Variants in SLC24A3 observed in about 807,000 individuals in gnomAD.
SLC24A3 encodes the protein solute carrier family 24 member 3.
A neutral mutation model predicts 75.8 loss-of-function variants in SLC24A3; 28 were observed. The observed-to-expected ratio is 0.37, with a 90% CI of 0.27 to 0.51. The LOEUF (loss-of-function observed/expected upper bound fraction) is 0.51. Among genes scored for constraint, SLC24A3 ranks in the 20% least tolerant of loss-of-function variants. The pLI is 0.94. For synonymous variants in SLC24A3, 372 were observed against 334.1 expected (o/e 1.11, Z -1.24); for missense variants, 663 against 847.8 (o/e 0.78, Z 2.71).
At chr20:19,666,028 C>T in intron 8 of SLC24A3, 139 bp downstream of exon 8, 1 of 903,388 alleles carries the variant, frequency 1.1e-6, no homozygotes, top group Non-Finnish European at 1.7e-6. Context: ...TAGGAACCCT[C>T]TGCACACCTC....
At chr20:19,541,553 C>T (rs1012917074) in intron 3 of SLC24A3, among the ~76,000 whole-genome samples, 1 of 152,200 alleles carries the variant, frequency 6.6e-6, no homozygotes, top group East Asian at 1.9e-4. Context: ...ACCCCCGCGC[C>T]CTCCGCCCCC....
At chr20:19,600,589 A>C (rs1227269227) in intron 6 of SLC24A3, among the ~76,000 whole-genome samples, 1 of 152,232 alleles carries the variant, frequency 6.6e-6, no homozygotes, top group African/African-American at 2.4e-5. Context: ...AGAGAGAGTA[A>C]TTGTAAATAT....
intron 2 of SLC24A3, among the ~76,000 whole-genome samples, chr20:19,381,411 G>A (rs958493844): frequency 2.0e-5 from 3 of 152,202 alleles, no homozygotes; most frequent in Non-Finnish European, 4.4e-5. Context: ...TGGATAAGAT[G>A]ATCTGGGAGG....
At chr20:19,494,780 A>C (rs1345867208) in intron 2 of SLC24A3, among the ~76,000 whole-genome samples, 1 of 152,164 alleles carries the variant, frequency 6.6e-6, no homozygotes, top group Non-Finnish European at 1.5e-5. Flanking sequence ...CCATCCCGAA[A>C]AGGCTAGAGG....
At chr20:19,261,128 T>G (rs968483876) in intron 1 of SLC24A3, among the ~76,000 whole-genome samples, 2 of 152,178 alleles carry the variant, frequency 1.3e-5, no homozygotes, top group Non-Finnish European at 2.9e-5. Flanking sequence ...TGAACCTCTC[T>G]GAGGCAAGGA....
intron 15 of SLC24A3, among the ~76,000 whole-genome samples, chr20:19,700,638 T>A (rs1280000559): frequency 6.6e-6 from 1 of 152,228 alleles, no homozygotes; most frequent in Non-Finnish European, 1.5e-5. Flanking sequence ...TTTCAGCATA[T>A]TTTTCTTTCT....
chr20:19,399,900 C>T (rs145016004), intron 2 of SLC24A3, among the ~76,000 whole-genome samples: 3 of 152,290 alleles, frequency 2.0e-5, no homozygotes, highest in East Asian at 1.9e-4. Flanking sequence ...GGTATATCTT[C>T]GATGTCACTA....
intron 2 of SLC24A3, among the ~76,000 whole-genome samples, chr20:19,425,653 C>T (rs1371175967): frequency 6.6e-6 from 1 of 152,138 alleles, no homozygotes; most frequent in African/African-American, 2.4e-5. Context: ...ATATCTTACT[C>T]TTCATAATTA....
Position 19,277,463 on chromosome 20 carries a change from C to T in SLC24A3, c.143-3496C>T, listed in dbSNP as rs182214640. On this transcript the variant is annotated intron_variant, in intron 1 of 16. Transcript: ENST00000328041. Reference sequence around the variant, plus strand: ...TCTAAAAGTAAATTGACCCTAGAACCAACTGCCTCTTCCTAGCTCAGCAGG... The same window carrying T: ...TCTAAAAGTAAATTGACCCTAGAACTAACTGCCTCTTCCTAGCTCAGCAGG... Among the ~76,000 whole-genome samples, 1,513 of 152,278 alleles carry T rather than the reference C, an allele frequency of 9.9e-3. 25 individuals are homozygous for T. Among genetic ancestry groups the T allele is most frequent in the African/African-American group, 0.033 (1,376 of 41,560 alleles).
chr20:19,534,701 G>A (rs2030365555), intron 3 of SLC24A3, among the ~76,000 whole-genome samples: 1 of 152,114 alleles, frequency 6.6e-6, no homozygotes, highest in South Asian at 2.1e-4. Flanking sequence ...CACCATGCCT[G>A]GCCCCAAAAA....
intron 2 of SLC24A3, among the ~76,000 whole-genome samples, chr20:19,426,601 T>C (rs1349851782): frequency 6.6e-6 from 1 of 152,258 alleles, no homozygotes; most frequent in Non-Finnish European, 1.5e-5. Flanking sequence ...TGGTCAGTTA[T>C]TTTGATGCAT....
At chr20:19,646,537 A>G (rs1184367830) in intron 6 of SLC24A3, among the ~76,000 whole-genome samples, 1 of 152,244 alleles carries the variant, frequency 6.6e-6, no homozygotes, top group Non-Finnish European at 1.5e-5. Flanking sequence ...AACAGTTAAC[A>G]TTGTAATTGC....
chr20:19,340,554 T>C (rs1367268981), intron 2 of SLC24A3, among the ~76,000 whole-genome samples: 1 of 152,164 alleles, frequency 6.6e-6, no homozygotes, highest in Non-Finnish European at 1.5e-5. Flanking sequence ...ATCTTCTCAC[T>C]GCATCACCCC....
Position 19,460,269 on chromosome 20 carries a change from G to A in SLC24A3, c.272-55219G>A, listed in dbSNP as rs530091598. On this transcript the variant is annotated intron_variant, in intron 2 of 16. Transcript: ENST00000328041. Reference sequence around the variant, plus strand: ...CTCTGAAAGAAAGATATGGGTCCAGGGATTTGAAGTCTGTTGTGCTGTTTG... The same window carrying A: ...CTCTGAAAGAAAGATATGGGTCCAGAGATTTGAAGTCTGTTGTGCTGTTTG... Among the ~76,000 whole-genome samples, 5 of 152,098 alleles carry A rather than the reference G, an allele frequency of 3.3e-5. No individual in the cohort carries two copies. The South Asian group carries it at 1.0e-3, about 32-fold the overall frequency.
At chr20:19,703,641 A>G (rs1434183057) in intron 15 of SLC24A3, among the ~76,000 whole-genome samples, 1 of 152,220 alleles carries the variant, frequency 6.6e-6, no homozygotes. Context: ...TGTATGATCT[A>G]TTTCAAAGTG....
At chr20:19,627,632 A>C (rs148013959) in intron 6 of SLC24A3, among the ~76,000 whole-genome samples, 16 of 152,320 alleles carry the variant, frequency 1.1e-4, no homozygotes, top group African/African-American at 3.8e-4. Context: ...AACAAGCTGT[A>C]AGAAGAAAAG....
intron 12 of SLC24A3, among the ~76,000 whole-genome samples, chr20:19,690,466 G>GC (rs2032732554): frequency 6.6e-6 from 1 of 151,980 alleles, no homozygotes; most frequent in Non-Finnish European, 1.5e-5. Flanking sequence ...ATGTGAAAGA[G>GC]CCAAGTTGGG....
At chr20:19,331,000 T>A (rs966797) in intron 2 of SLC24A3, among the ~76,000 whole-genome samples, 5,704 of 152,256 alleles carry the variant, frequency 0.037, 360 homozygotes, top group African/African-American at 0.13. Context: ...AGGGACTGTG[T>A]TCTTCCAAAA....
At chr20:19,695,177 C>G (rs2032789563) in intron 13 of SLC24A3, among the ~76,000 whole-genome samples, 1 of 152,194 alleles carries the variant, frequency 6.6e-6, no homozygotes, top group South Asian at 2.1e-4. Flanking sequence ...CACATCCCCC[C>G]AATCTTTGAA....
Sources: gnomAD v4.1 joint callset for allele counts (sites outside exome capture counted in the v4.1 genomes callset) on GRCh38, gnomAD v4.1.1 for gene constraint, MANE v1.5 for transcripts, NCBI Gene and HGNC (gene_info 2026-07-23, HGNC 2026-07-21) for gene names.